Variants in ARHGEF10L observed in about 807,000 individuals in gnomAD.
ARHGEF10L encodes rho guanine nucleotide exchange factor 10-like protein.
ARHGEF10L carries 69 observed loss-of-function variants against 141.2 expected under a neutral mutation model. The observed-to-expected ratio is 0.49, with a 90% CI of 0.40 to 0.60. The LOEUF (loss-of-function observed/expected upper bound fraction) is 0.60. Ranked by LOEUF, ARHGEF10L falls within the 20% of genes least tolerant of loss-of-function variation. ARHGEF10L has a pLI of 0.00. For synonymous variants in ARHGEF10L, 711 were observed against 718.5 expected, an observed-to-expected ratio of 0.99 and a Z score of 0.17; for missense variants, 1,482 against 1,734.3, an observed-to-expected ratio of 0.85 and a Z score of 2.58.
chr1:17,524,317 A>G, the ARHGEF10L span, among the ~76,000 whole-genome samples: 1 of 150,966 alleles, frequency 6.6e-6, no homozygotes, highest in African/African-American at 2.4e-5. Flanking sequence ...GAAAAAAAAA[A>G]AGAAAGACCT....
chr1:17,681,835 G>A (rs532921282), intron 26 of ARHGEF10L, among the ~76,000 whole-genome samples: 1 of 152,226 alleles, frequency 6.6e-6, no homozygotes, highest in Non-Finnish European at 1.5e-5. Context: ...TTCCCCCTGG[G>A]GCTTTGTCAT....
intron 4 of ARHGEF10L, among the ~76,000 whole-genome samples, chr1:17,589,522 G>A (rs760336262): frequency 7.2e-5 from 11 of 152,232 alleles, no homozygotes; most frequent in African/African-American, 1.9e-4. Flanking sequence ...GTCACCCAAC[G>A]GGAGGTTTCA....
intron 26 of ARHGEF10L, among the ~76,000 whole-genome samples, chr1:17,665,868 C>A (rs1376225007): frequency 6.6e-6 from 1 of 152,022 alleles, no homozygotes; most frequent in Non-Finnish European, 1.5e-5. Flanking sequence ...AGCTGGAGAC[C>A]CAGGCGAGCT....
At position 17,663,422 on chromosome 1, in the gene ARHGEF10L, G is replaced by A. The variant is rs370566592; in HGVS notation, c.2861-1025G>A. Among the ~76,000 whole-genome samples the A allele has an allele frequency of 8.3e-4, 127 of 152,134 alleles. No individual in the cohort carries two copies. In the East Asian group the frequency reaches 0.01, roughly 13 times the overall value. On this transcript the variant is annotated intron_variant, in intron 25 of 28. Coordinates refer to ENST00000361221, the MANE Select transcript of ARHGEF10L (RefSeq NM_018125.4). Reference sequence around the variant, plus strand: ...CAAAAAATTAACTGGGTGTGGTGGCGGGCGCCTATAATCTCAGCTACTTCG... The same window carrying A: ...CAAAAAATTAACTGGGTGTGGTGGCAGGCGCCTATAATCTCAGCTACTTCG...
intron 1 of ARHGEF10L, among the ~76,000 whole-genome samples, chr1:17,546,031 G>T (rs2076901693): frequency 6.6e-6 from 1 of 152,202 alleles, no homozygotes; most frequent in Non-Finnish European, 1.5e-5. Context: ...AAACAGAGTA[G>T]GGGAAGCATT....
upstream of ARHGEF10L, among the ~76,000 whole-genome samples, chr1:17,538,495 A>G (rs1288101573): frequency 4.6e-5 from 7 of 152,178 alleles, no homozygotes; most frequent in Non-Finnish European, 5.9e-5. Context: ...CGAGAGGGAC[A>G]ATAAACAAAC....
chr1:17,639,687 A>C lies in ARHGEF10L; in HGVS notation c.2172-515A>C, dbSNP rs1006178686. ...AGAGGACAGCGTGGTGACAACAGCA[A>C]CCTCTGGTTGCCCCAAGCTGGTGCT... On this transcript the variant is annotated intron_variant, in intron 20 of 28. Transcript: ENST00000361221. This position sits in a 1 kb window ranked among gnomAD's most constrained non-coding sequence, Gnocchi z 4.3. The C allele has an allele frequency of 8.4e-6, 4 of 475,524 alleles. No individual in the cohort carries two copies. Among genetic ancestry groups the C allele is most frequent in the African/African-American group, 2.0e-5 (1 of 50,456 alleles). The allele number at this position is 475,524 out of a possible 1,614,324, so 29.5% of individuals were successfully genotyped here.
At chr1:17,645,388 A>T (rs1356130138) in intron 21 of ARHGEF10L, among the ~76,000 whole-genome samples, 2 of 151,958 alleles carry the variant, frequency 1.3e-5, no homozygotes, top group Non-Finnish European at 2.9e-5. Flanking sequence ...TAAAAAAAAT[A>T]CGTATGAATA....
At chr1:17,594,497 T>G (rs1261910456) in intron 4 of ARHGEF10L, among the ~76,000 whole-genome samples, 2 of 152,144 alleles carry the variant, frequency 1.3e-5, no homozygotes, top group Admixed American at 1.3e-4. Context: ...TTTTCTTTCT[T>G]TTGAGATGGA....
rs1254995257 is a variant in ARHGEF10L, at chr1:17,656,209, C to T, written c.2705+107C>T. 3.1e-6 allele frequency: 4 copies of T among 1,302,826 alleles called. No individual in the cohort carries two copies. Among genetic ancestry groups the T allele is most frequent in the African/African-American group, 2.9e-5 (2 of 68,544 alleles). 80.7% of individuals were successfully genotyped at this position (1,302,826 alleles called of 1,614,324 possible). Reference sequence around the variant, plus strand: ...TCTGCCTGTTGCCCACCAACATTCTCTGCCCCTGGTCTCCAGGAAGGTGGG... The same window carrying T: ...TCTGCCTGTTGCCCACCAACATTCTTTGCCCCTGGTCTCCAGGAAGGTGGG... On this transcript the variant is annotated intron_variant, in intron 24 of 28. Transcript: ENST00000361221. This position sits in a 1 kb window ranked among gnomAD's most constrained non-coding sequence, Gnocchi z 4.9.
rs1557724353 is a variant in ARHGEF10L at position 17,573,592 on chromosome 1, A to T, written c.-43-6961A>T. ...GGGCTGGGAGGGAAGGAGGAAGAGC[A>T]GGAGGAGGAGGTAGAGGAGGGGGGC... On this transcript the variant is annotated intron_variant, in intron 1 of 28. Transcript: ENST00000361221. This position sits in a 1 kb window ranked among gnomAD's most constrained non-coding sequence, Gnocchi z 4.8. Among the ~76,000 whole-genome samples, 1 of 152,052 alleles carries T rather than the reference A, an allele frequency of 6.6e-6. No homozygotes were observed. Among genetic ancestry groups the T allele is most frequent in the Non-Finnish European group, 1.5e-5 (1 of 67,996 alleles).
intron 4 of ARHGEF10L, among the ~76,000 whole-genome samples, chr1:17,598,127 A>G (rs1408876059): frequency 3.3e-5 from 5 of 150,012 alleles, no homozygotes; most frequent in African/African-American, 9.9e-5. Context: ...TTTGAGATGA[A>G]GTATTGCCCT....
At chr1:17,675,077 C>T (rs2063561584) in intron 26 of ARHGEF10L, among the ~76,000 whole-genome samples, 1 of 152,126 alleles carries the variant, frequency 6.6e-6, no homozygotes, top group East Asian at 1.9e-4. Context: ...AGCTGGGGGT[C>T]TGATCAAGCC....
At position 17,639,614 on chromosome 1, in the gene ARHGEF10L, C is replaced by T; in HGVS notation, c.2172-588C>T. 1 of 363,024 alleles carries T rather than the reference C, an allele frequency of 2.8e-6. No individual in the cohort carries two copies. The highest frequency in any genetic ancestry group is 2.1e-5 in the South Asian group (1 of 48,554). The allele number at this position is 363,024 out of a possible 1,614,324, so 22.5% of individuals were successfully genotyped here. A position where few individuals can be genotyped will look rare whatever the true frequency, so the allele number is the denominator to read the frequency against. On this transcript the variant is annotated intron_variant, in intron 20 of 28. Transcript: ENST00000361221. The surrounding 1 kb of genome is among the most constrained non-coding windows in gnomAD (Gnocchi z 4.3). ...GCACCCTAGAGGCTTGTGACACTGC[C>T]CTGCCCACCTCCCAAAGGGCTGGGA...
In ARHGEF10L at chr1:17,621,989, G is replaced by A. The variant is rs764289679; in HGVS notation, c.1020+48G>A. 5 of 1,595,514 alleles carry A rather than the reference G, an allele frequency of 3.1e-6. No homozygotes were observed. Among genetic ancestry groups the A allele is most frequent in the Non-Finnish European group, 4.3e-6 (5 of 1,163,252 alleles). Reference sequence around the variant, plus strand: ...AGGGTCTCTGGGGAGAAGCAGGGAGGGCCCTGGAGGGTAACTTTATACGGA... The same window carrying A: ...AGGGTCTCTGGGGAGAAGCAGGGAGAGCCCTGGAGGGTAACTTTATACGGA... On this transcript the variant is annotated intron_variant, in intron 11 of 28. Transcript: ENST00000361221. This position sits in a 1 kb window ranked among gnomAD's most constrained non-coding sequence, Gnocchi z 4.1.
intron 2 of ARHGEF10L, 121 bp from the exon 3 acceptor site, chr1:17,587,339 A>G (rs1275034960): frequency 3.9e-6 from 4 of 1,020,526 alleles, no homozygotes; most frequent in Non-Finnish European, 5.6e-6. Context: ...GATGGCTCTC[A>G]TTCCCTGGCT....
At chr1:17,672,206 G>A (rs1404341813) in intron 26 of ARHGEF10L, among the ~76,000 whole-genome samples, 1 of 60,874 alleles carries the variant, frequency 1.6e-5, no homozygotes, top group Non-Finnish European at 3.4e-5. Flanking sequence ...CGCCCCAGCC[G>A]CCTTCCCCAC....
At chr1:17,618,381 A>G in intron 9 of ARHGEF10L, 1 of 1,543,006 alleles carries the variant, frequency 6.5e-7, no homozygotes, top group African/African-American at 1.4e-5. Flanking sequence ...GTGGGGGAAG[A>G]GGAAGCTGCG....
At chr1:17,567,037 C>T (rs539161802) in intron 1 of ARHGEF10L, among the ~76,000 whole-genome samples, 134 of 152,314 alleles carry the variant, frequency 8.8e-4, no homozygotes, top group African/African-American at 3.1e-3. Flanking sequence ...CTGCTTTGCA[C>T]CCTGATCTGG....
Sources: allele counts gnomAD v4.1 joint callset (sites outside exome capture counted in the v4.1 genomes callset), GRCh38; gene constraint gnomAD v4.1.1; non-coding constraint Gnocchi (gnomAD v3.1); transcripts MANE v1.5; gene names NCBI Gene and HGNC (gene_info 2026-07-23, HGNC 2026-07-21).